Variants in DISC1 observed in about 807,000 individuals in gnomAD.
DISC1 encodes DISC1 scaffold protein, also known as disrupted in schizophrenia 1 protein.
Under a neutral mutation model 84.5 loss-of-function variants are expected in DISC1, and 57 were observed. The observed-to-expected ratio is 0.67, with a 90% CI of 0.55 to 0.84. DISC1 has a LOEUF of 0.84. Among genes scored for constraint, DISC1 ranks in the 40% least tolerant of loss-of-function variants. DISC1 has a pLI of 0.00. For synonymous variants in DISC1, 411 were observed against 415.2 expected (o/e 0.99, Z 0.12); for missense variants, 1,000 against 1,057.8 (o/e 0.95, Z 0.76).
chr1:231,856,942 C>T (rs1189531167), intron 9 of DISC1, among the ~76,000 whole-genome samples: 4 of 152,082 alleles, frequency 2.6e-5, no homozygotes, highest in Non-Finnish European at 4.4e-5. Context: ...AATCCTGCGG[C>T]GGCAGCATGA....
At chr1:231,853,377 G>C (rs2084035992) in intron 9 of DISC1, among the ~76,000 whole-genome samples, 2 of 152,162 alleles carry the variant, frequency 1.3e-5, no homozygotes, top group African/African-American at 4.8e-5. Context: ...TCCACACCCA[G>C]GCTACGTGGT....
At chr1:231,910,213 C>T (rs2089074930) in intron 9 of DISC1, among the ~76,000 whole-genome samples, 1 of 152,134 alleles carries the variant, frequency 6.6e-6, no homozygotes, top group Admixed American at 6.5e-5. Flanking sequence ...TTGCCTTCTG[C>T]TAGCTTTTGA....
At chr1:231,789,956 T>C (rs1448417449) in intron 6 of DISC1, among the ~76,000 whole-genome samples, 3 of 152,224 alleles carry the variant, frequency 2.0e-5, no homozygotes, top group African/African-American at 7.2e-5. Context: ...AAAATGATTT[T>C]TAAAAATCCA....
chr1:231,872,028 G>C (rs1428138787), intron 9 of DISC1, among the ~76,000 whole-genome samples: 2 of 152,204 alleles, frequency 1.3e-5, no homozygotes, highest in Admixed American at 6.5e-5. Flanking sequence ...CTGCCAGGCA[G>C]AGGCCCTCAG....
At chr1:232,028,348 G>A (rs1408676537) in intron 12 of DISC1, among the ~76,000 whole-genome samples, 2 of 152,136 alleles carry the variant, frequency 1.3e-5, no homozygotes, top group Non-Finnish European at 2.9e-5. Flanking sequence ...GCTGCAGTCA[G>A]GGTTCTGTAC....
intron 9 of DISC1, among the ~76,000 whole-genome samples, chr1:231,912,793 CTTTCTTTCTTTCTTTT>C (rs1401193900): frequency 2.0e-4 from 26 of 130,638 alleles, no homozygotes; most frequent in Admixed American, 1.4e-3. Flanking sequence ...TTCTTTCTTT[CTTTCTTTCTTTCTTTT>C]TCTTTCCTTG....
At chr1:231,689,073 G>T (rs2064666890) in intron 1 of DISC1, among the ~76,000 whole-genome samples, 1 of 152,104 alleles carries the variant, frequency 6.6e-6, no homozygotes, top group African/African-American at 2.4e-5. Context: ...TGAATATTTG[G>T]TTAGCCTGAA....
At chr1:231,996,607 G>A (rs550371327) in intron 10 of DISC1, among the ~76,000 whole-genome samples, 3 of 152,250 alleles carry the variant, frequency 2.0e-5, no homozygotes, top group East Asian at 3.9e-4. Flanking sequence ...TCAGAACTCA[G>A]TATTTACTCT....
chr1:231,800,284 C>T, intron 8 of DISC1, 74 bp downstream of exon 8: 1 of 1,152,556 alleles, frequency 8.7e-7, no homozygotes, highest in African/African-American at 1.5e-5. Context: ...CGTGTTTTGT[C>T]CTCGATGAAC....
chr1:231,676,516 T>A lies in DISC1; in HGVS notation c.68-17310T>A, dbSNP rs544504198. On this transcript the variant is annotated intron_variant, in intron 1 of 12. Transcript: ENST00000439617. ...TACCTCTCCCATAGTTTACCATGCCTGACCCACAGTAGAGTTCTTAAGAAA... is the reference window on the plus strand; with the variant it reads ...TACCTCTCCCATAGTTTACCATGCCAGACCCACAGTAGAGTTCTTAAGAAA... Among the ~76,000 whole-genome samples, 7 of 152,368 alleles carry A rather than the reference T, an allele frequency of 4.6e-5. No individual in the cohort carries two copies. The East Asian group carries it at 9.6e-4, about 21-fold the overall frequency.
chr1:231,777,288 C>G (rs977939217), intron 6 of DISC1, among the ~76,000 whole-genome samples: 6 of 152,110 alleles, frequency 3.9e-5, no homozygotes, highest in Non-Finnish European at 8.8e-5. Context: ...GTGGTATGAT[C>G]ATGGCTCATT....
At chr1:231,855,749 T>G (rs2084223799) in intron 9 of DISC1, among the ~76,000 whole-genome samples, 1 of 152,182 alleles carries the variant, frequency 6.6e-6, no homozygotes, top group Non-Finnish European at 1.5e-5. Context: ...CTTCAGTTGG[T>G]CCATTTTCAC....
intron 9 of DISC1, among the ~76,000 whole-genome samples, chr1:231,905,223 C>T (rs2088537874): frequency 6.6e-6 from 1 of 152,156 alleles, no homozygotes; most frequent in African/African-American, 2.4e-5. Flanking sequence ...AAAATGCAAA[C>T]CTGAGTTTGA....
intron 6 of DISC1, among the ~76,000 whole-genome samples, chr1:231,778,042 G>A (rs541146503): frequency 7.9e-5 from 12 of 152,310 alleles, no homozygotes; most frequent in African/African-American, 2.4e-4. Flanking sequence ...CAGCAGAGCC[G>A]TGGGTCTGTG....
At chr1:231,720,725 T>C in intron 3 of DISC1, 1 of 719,754 alleles carries the variant, frequency 1.4e-6, no homozygotes, top group Non-Finnish European at 2.1e-6. Context: ...TTTTTTTCCC[T>C]TGGGGCTTTC....
intron 1 of DISC1, among the ~76,000 whole-genome samples, chr1:231,672,526 G>C (rs1027429218): frequency 6.6e-6 from 1 of 152,118 alleles, no homozygotes; most frequent in African/African-American, 2.4e-5. Flanking sequence ...TGACTTTCTT[G>C]TCCTGCTCCA....
At chr1:231,949,347 A>G (rs200775066) in intron 9 of DISC1, among the ~76,000 whole-genome samples, 62 of 152,292 alleles carry the variant, frequency 4.1e-4, no homozygotes, top group South Asian at 2.1e-3. Context: ...TAGTGAGGCC[A>G]CTTGGGGGTG....
chr1:231,708,892 A>C (rs202241715), intron 3 of DISC1, among the ~76,000 whole-genome samples: 171 of 152,370 alleles, frequency 1.1e-3, no homozygotes, highest in East Asian at 2.9e-3. Context: ...CTAAAAAATT[A>C]GTCTATTTTT....
At chr1:231,865,098 G>C (rs574190019) in intron 9 of DISC1, among the ~76,000 whole-genome samples, 1 of 152,298 alleles carries the variant, frequency 6.6e-6, no homozygotes, top group East Asian at 1.9e-4. Flanking sequence ...GCAAGCAAAG[G>C]CCCAGAGAAC....
Sources: gnomAD v4.1 joint callset for allele counts (sites outside exome capture counted in the v4.1 genomes callset) on GRCh38, gnomAD v4.1.1 for gene constraint, MANE v1.5 for transcripts, NCBI Gene and HGNC (gene_info 2026-07-23, HGNC 2026-07-21) for gene names.